The following ARID4B variants were observed in gnomAD, a reference collection of about 807,000 sequenced individuals.
The protein encoded by ARID4B is AT-rich interactive domain-containing protein 4B.
Under a neutral mutation model 147.5 loss-of-function variants are expected in ARID4B, and 26 were observed. The observed-to-expected ratio is 0.18, with a 90% CI of 0.13 to 0.24. The LOEUF is 0.24. ARID4B is among the 10% of genes least tolerant of loss of function. ARID4B has a pLI of 1.00. For synonymous variants in ARID4B, 512 were observed against 507.9 expected (o/e 1.01, Z -0.11); for missense variants, 1,179 against 1,511.5 (o/e 0.78, Z 3.65).
chr1:235,314,644 T>G (rs1446952803), intron 2 of ARID4B, among the ~76,000 whole-genome samples: 1 of 152,082 alleles, frequency 6.6e-6, no homozygotes, highest in Non-Finnish European at 1.5e-5. Context: ...CATCACTAAG[T>G]AGCAGGAAAA....
intron 2 of ARID4B, among the ~76,000 whole-genome samples, chr1:235,288,779 A>G (rs756694488): frequency 1.4e-4 from 22 of 152,332 alleles, no homozygotes; most frequent in Non-Finnish European, 2.1e-4. Flanking sequence ...TTAAGACATA[A>G]CCCAAATTCT....
intron 2 of ARID4B, among the ~76,000 whole-genome samples, chr1:235,285,785 T>C (rs186189859): frequency 1.3e-5 from 2 of 152,310 alleles, no homozygotes; most frequent in Non-Finnish European, 2.9e-5. Context: ...AGGATTCCTA[T>C]ACATTAGCAA....
chr1:235,173,800 ATATATATATATATG>A (rs1359266227), intron 22 of ARID4B, among the ~76,000 whole-genome samples: 30 of 81,156 alleles, frequency 3.7e-4, no homozygotes, highest in African/African-American at 6.1e-4. Context: ...ATATATATAT[ATATATATATATATG>A]TATACCTAAA....
intron 2 of ARID4B, among the ~76,000 whole-genome samples, chr1:235,302,178 C>CAAAAAAAAAAAAAAAAAAAAAAA (rs1673212702): frequency 3.5e-5 from 1 of 28,380 alleles, no homozygotes; most frequent in Non-Finnish European, 6.5e-5. Flanking sequence ...AAAAAAAAAA[C>CAAAAAAAAAAAAAAAAAAAAAAA]AGCAAAAAAA....
At chr1:235,255,445 T>C (rs1669924263) in intron 5 of ARID4B, among the ~76,000 whole-genome samples, 1 of 152,070 alleles carries the variant, frequency 6.6e-6, no homozygotes, top group Admixed American at 6.5e-5. Context: ...GAATTCCAAT[T>C]GCATAATATA....
intron 20 of ARID4B, among the ~76,000 whole-genome samples, chr1:235,178,483 T>TA (rs988982436): frequency 4.1e-4 from 62 of 152,258 alleles, no homozygotes; most frequent in African/African-American, 1.4e-3. Context: ...ATAGTAGTTC[T>TA]AAAAAACGTC....
chr1:235,262,370 T>C (rs576485914), intron 2 of ARID4B, among the ~76,000 whole-genome samples: 6 of 152,224 alleles, frequency 3.9e-5, no homozygotes, highest in Non-Finnish European at 5.9e-5. Flanking sequence ...AGTTATACAA[T>C]TTTTAAAATC....
chr1:235,178,441 T>C (rs1267789629), intron 20 of ARID4B, among the ~76,000 whole-genome samples: 3 of 152,172 alleles, frequency 2.0e-5, no homozygotes, highest in Non-Finnish European at 4.4e-5. Flanking sequence ...GGGCACTGTT[T>C]GGTTAACATG....
intron 2 of ARID4B, among the ~76,000 whole-genome samples, chr1:235,308,273 ATTG>A (rs1673722395): frequency 2.3e-5 from 1 of 43,554 alleles, no homozygotes; most frequent in Admixed American, 2.6e-4. Context: ...TAATTTTTGT[ATTG>A]TATTTTTAGT....
rs1390120214 is a variant in ARID4B at position 235,168,595 on chromosome 1, A to G, written c.3869T>C (p.Val1290Ala). 6.2e-7 allele frequency: 1 copy of G among 1,614,130 alleles called. No individual in the cohort carries two copies. Among genetic ancestry groups the G allele is most frequent in the Non-Finnish European group, 8.5e-7 (1 of 1,180,004 alleles). ...TGACGGTTCAGCTAAAGTTAACATA[A>G]CAGCAGCTGTTATGGAACTGGATGA... Reference protein sequence around the residue: ...SPSSSSITAAVMLTLAEPSMS... With the variant: ...SPSSSSITAAAMLTLAEPSMS... Residue 1290 changes from valine (V) to alanine (A), a missense_variant, in exon 24 of 24, where the codon GTT (valine) becomes GCT (alanine). Physicochemically the swap from Val to Ala is moderately conservative, Grantham distance 64 (BLOSUM62 0). Coordinates refer to ENST00000264183, the MANE Select transcript of ARID4B (RefSeq NM_016374.6).
chr1:235,318,200 G>A (rs895825353), intron 2 of ARID4B, among the ~76,000 whole-genome samples: 15 of 124,430 alleles, frequency 1.2e-4, no homozygotes, highest in Admixed American at 8.9e-4. Flanking sequence ...TTTTTGAGAC[G>A]GAGTCTTGAT....
chr1:235,171,515 T>C (rs577281084), intron 23 of ARID4B, among the ~76,000 whole-genome samples: 6 of 152,348 alleles, frequency 3.9e-5, no homozygotes, highest in Non-Finnish European at 7.3e-5. Context: ...TTTCTTAAAA[T>C]AGTATTTAGG....
At chr1:235,190,712 G>A (rs148773720) in intron 19 of ARID4B, among the ~76,000 whole-genome samples, 7 of 152,296 alleles carry the variant, frequency 4.6e-5, no homozygotes, top group African/African-American at 1.7e-4. Flanking sequence ...TCCATCTCAT[G>A]CACTTGTTCT....
intron 2 of ARID4B, among the ~76,000 whole-genome samples, chr1:235,271,407 A>AT (rs1323085229): frequency 6.6e-6 from 1 of 152,014 alleles, no homozygotes; most frequent in East Asian, 1.9e-4. Context: ...AGACAGGCGG[A>AT]TCATCTGCAG....
At chr1:235,320,280 A>G (rs922863070) in intron 2 of ARID4B, among the ~76,000 whole-genome samples, 1 of 152,084 alleles carries the variant, frequency 6.6e-6, no homozygotes, top group Non-Finnish European at 1.5e-5. Flanking sequence ...ACTCCAGCCT[A>G]GGCAACAGAG....
intron 2 of ARID4B, among the ~76,000 whole-genome samples, chr1:235,291,210 C>T (rs1014682518): frequency 6.6e-6 from 1 of 151,722 alleles, no homozygotes; most frequent in Non-Finnish European, 1.5e-5. Flanking sequence ...CCCTGGCTAA[C>T]ACGTTGAAAC....
At chr1:235,305,778 G>GT (rs1673498047) in intron 2 of ARID4B, among the ~76,000 whole-genome samples, 1 of 152,144 alleles carries the variant, frequency 6.6e-6, no homozygotes, top group Admixed American at 6.6e-5. Flanking sequence ...AGGCAACATA[G>GT]TGAGACCCTG....
chr1:235,314,744 CAA>C (rs1274810927), intron 2 of ARID4B, among the ~76,000 whole-genome samples: 1 of 151,854 alleles, frequency 6.6e-6, no homozygotes, highest in Non-Finnish European at 1.5e-5. Flanking sequence ...TGATATATAA[CAA>C]TATATATAAC....
At chr1:235,239,796 T>C (rs1198894283) in intron 8 of ARID4B, among the ~76,000 whole-genome samples, 1 of 152,142 alleles carries the variant, frequency 6.6e-6, no homozygotes, top group Admixed American at 6.5e-5. Flanking sequence ...GGAATTGCAA[T>C]CTTTTGGAGA....
Sources: allele counts gnomAD v4.1 joint callset (sites outside exome capture counted in the v4.1 genomes callset), GRCh38; gene constraint gnomAD v4.1.1; transcripts MANE v1.5; gene names NCBI Gene and HGNC (gene_info 2026-07-23, HGNC 2026-07-21).